The following TSC22D1 variants were observed in gnomAD, a reference collection of about 807,000 sequenced individuals.
The protein encoded by TSC22D1 is TSC22 domain family member 1, also known as TSC22 domain family protein 1.
In TSC22D1, 9 loss-of-function variants were observed where a neutral mutation model predicts 74.2. That is an observed-to-expected ratio of 0.12 (90% confidence interval 0.07 to 0.21). TSC22D1 has a LOEUF of 0.21. TSC22D1 is among the 10% of genes least tolerant of loss of function. The pLI is 1.00. For synonymous variants in TSC22D1, 586 were observed against 492.5 expected (o/e 1.19, Z -2.51); for missense variants, 1,427 against 1,304.7 (o/e 1.09, Z -1.44).
intron 1 of TSC22D1, among the ~76,000 whole-genome samples, chr13:44,517,850 TATATATA>T (rs1404391331): frequency 1.3e-4 from 5 of 38,442 alleles, no homozygotes; most frequent in Non-Finnish European, 2.9e-4. Flanking sequence ...TATATATATA[TATATATA>T]TTTTTTTTTT....
At chr13:44,537,840 T>A in intron 1 of TSC22D1, 2 of 985,212 alleles carry the variant, frequency 2.0e-6, no homozygotes, top group East Asian at 2.3e-4. Context: ...TTAGCAAATG[T>A]GGCTTCTAAA....
At chr13:44,523,465 A>G (rs1880407916) in intron 1 of TSC22D1, among the ~76,000 whole-genome samples, 1 of 152,232 alleles carries the variant, frequency 6.6e-6, no homozygotes, top group African/African-American at 2.4e-5. Flanking sequence ...TGAGCTCCCA[A>G]GTCACAAAAA....
intron 1 of TSC22D1, among the ~76,000 whole-genome samples, chr13:44,552,303 A>G (rs1034158660): frequency 4.6e-5 from 7 of 152,360 alleles, no homozygotes; most frequent in African/African-American, 1.7e-4. Context: ...AGAATGTTCA[A>G]TTGGCTCCTT....
At chr13:44,540,566 G>A (rs1159954578) in intron 1 of TSC22D1, among the ~76,000 whole-genome samples, 1 of 152,164 alleles carries the variant, frequency 6.6e-6, no homozygotes, top group Admixed American at 6.5e-5. Flanking sequence ...AGGCAGAATA[G>A]TGGATATAGG....
At chr13:44,484,953 G>A (rs191587561) in intron 1 of TSC22D1, among the ~76,000 whole-genome samples, 3 of 152,238 alleles carry the variant, frequency 2.0e-5, no homozygotes, top group Admixed American at 6.5e-5. Flanking sequence ...TTTCAAATTC[G>A]ATTTCCTCAT....
intron 1 of TSC22D1, chr13:44,537,463 G>A: frequency 2.0e-6 from 2 of 985,068 alleles, no homozygotes; most frequent in Non-Finnish European, 2.4e-6. Context: ...CATCTTCAAA[G>A]CTGAAACAAA....
At chr13:44,545,984 A>AT (rs915028963) in intron 1 of TSC22D1, among the ~76,000 whole-genome samples, 8 of 151,718 alleles carry the variant, frequency 5.3e-5, no homozygotes, top group Admixed American at 2.6e-4. Flanking sequence ...CTCAAAAAAA[A>AT]AAATAAATAA....
chr13:44,540,391 A>G (rs1881395381), intron 1 of TSC22D1, among the ~76,000 whole-genome samples: 1 of 152,186 alleles, frequency 6.6e-6, no homozygotes, highest in Non-Finnish European at 1.5e-5. Context: ...AAAGTCTAAG[A>G]AGCTGAATTT....
chr13:44,523,285 G>A (rs1880400436), intron 1 of TSC22D1, among the ~76,000 whole-genome samples: 1 of 152,126 alleles, frequency 6.6e-6, no homozygotes, highest in African/African-American at 2.4e-5. Flanking sequence ...CTCAGCAATT[G>A]CACACACAGG....
At chr13:44,536,122 T>TC (rs1446130878) in intron 1 of TSC22D1, among the ~76,000 whole-genome samples, 1 of 151,818 alleles carries the variant, frequency 6.6e-6, no homozygotes, top group Non-Finnish European at 1.5e-5. Context: ...TAGCTTCCTT[T>TC]CCCCCACCCC....
chr13:44,446,752 A>G (rs1374308537), intron 1 of TSC22D1, among the ~76,000 whole-genome samples: 2 of 66,108 alleles, frequency 3.0e-5, no homozygotes, highest in Admixed American at 2.0e-4. Context: ...GAAAAAAAAA[A>G]AAGAAGAAGA....
intron 1 of TSC22D1, among the ~76,000 whole-genome samples, chr13:44,520,771 G>GT (rs1300999556): frequency 1.3e-5 from 2 of 152,130 alleles, no homozygotes; most frequent in Admixed American, 6.6e-5. Context: ...TAATTTCTCT[G>GT]TAAGGTTGAA....
chr13:44,536,853 G>C, intron 1 of TSC22D1: 1 of 964,836 alleles, frequency 1.0e-6, no homozygotes, highest in Non-Finnish European at 1.2e-6. Flanking sequence ...ATACAAAACA[G>C]ATCACCTATT....
chr13:44,462,997 A>C (rs1407571903), intron 1 of TSC22D1, among the ~76,000 whole-genome samples: 1 of 152,198 alleles, frequency 6.6e-6, no homozygotes, highest in Admixed American at 6.5e-5. Context: ...GAGTTTGAGG[A>C]ACTTAAACAG....
At chr13:44,570,086 T>A (rs1883655367) in intron 1 of TSC22D1, among the ~76,000 whole-genome samples, 1 of 152,200 alleles carries the variant, frequency 6.6e-6, no homozygotes, top group Non-Finnish European at 1.5e-5. Flanking sequence ...GTTAAGAGGC[T>A]GTGCTAATAA....
At chr13:44,481,434 T>A (rs1878172992) in intron 1 of TSC22D1, among the ~76,000 whole-genome samples, 1 of 152,104 alleles carries the variant, frequency 6.6e-6, no homozygotes, top group South Asian at 2.1e-4. Context: ...AGATGATATA[T>A]CCTGATAAAG....
intron 1 of TSC22D1, among the ~76,000 whole-genome samples, chr13:44,544,016 C>T (rs1881649115): frequency 6.6e-6 from 1 of 152,136 alleles, no homozygotes; most frequent in African/African-American, 2.4e-5. Context: ...CCGCCTGAGC[C>T]TGGGAGGCAG....
intron 1 of TSC22D1, among the ~76,000 whole-genome samples, chr13:44,533,612 C>T (rs919449519): frequency 1.3e-5 from 2 of 151,942 alleles, no homozygotes; most frequent in Non-Finnish European, 2.9e-5. Flanking sequence ...GGTGAAGCCC[C>T]ATCTCTACAA....
intron 1 of TSC22D1, chr13:44,538,506 C>T (rs1167165894): frequency 1.0e-6 from 1 of 985,312 alleles, no homozygotes; most frequent in Non-Finnish European, 1.2e-6. Flanking sequence ...GATTTTCAAT[C>T]CCACAAATGT....
Sources: allele counts gnomAD v4.1 joint callset (sites outside exome capture counted in the v4.1 genomes callset), GRCh38; gene constraint gnomAD v4.1.1; transcripts MANE v1.5; gene names NCBI Gene and HGNC (gene_info 2026-07-23, HGNC 2026-07-21).